L1CAM: variants seen among roughly 807,000 people sequenced by gnomAD.
L1CAM encodes L1 cell adhesion molecule, also known as neural cell adhesion molecule L1.
Under a neutral mutation model 93.0 loss-of-function variants are expected in L1CAM, and 8 were observed. The ratio of observed to expected loss-of-function variants is 0.09; its 90% confidence interval spans 0.05 to 0.16. L1CAM has a LOEUF of 0.16. Ranked by LOEUF, L1CAM falls within the 10% of genes least tolerant of loss-of-function variation. L1CAM has a pLI of 1.00. For missense variants in L1CAM, 777 were observed against 1,073.4 expected (o/e 0.72, Z 3.86); for synonymous variants, 453 against 453.0 (o/e 1.00, Z 0.00).
Position 153,868,413 on chromosome X carries a change from T to G in L1CAM, c.1592A>C (p.Lys531Thr), listed in dbSNP as rs1557091826. ...GCACGTGAAGGTCACCCTGGAACCT[T>G]TCTTCTCGATTGTGCTGCGGGGCCC... The part of the protein sequence containing the change: ...TQGPRSTIEK[K>T]GSRVTFTCQA... The change falls in exon 14 of 29, where the codon AAA becomes ACA. Residue 531 changes from lysine (K) to threonine (T), a missense_variant. Physicochemically the swap from Lys to Thr is moderately conservative, Grantham distance 78 (BLOSUM62 -1). Coordinates refer to ENST00000370060, the MANE Select transcript of L1CAM (RefSeq NM_001278116.2). The G allele has an allele frequency of 8.3e-7, 1 of 1,211,391 alleles. No homozygotes were observed. Among genetic ancestry groups the G allele is most frequent in the South Asian group, 1.8e-5 (1 of 56,975 alleles).
At position 153,872,647 on chromosome X, in the gene L1CAM, A is replaced by G; in HGVS notation, c.142T>C (p.Phe48Leu). The G allele has an allele frequency of 8.3e-7, 1 of 1,210,806 alleles. No individual in the cohort carries two copies. The highest frequency in any genetic ancestry group is 3.0e-5 in the East Asian group (1 of 33,791). The change falls in exon 4 of 29, where the codon TTC (phenylalanine) becomes CTC (leucine). Residue 48 changes from phenylalanine to leucine, a missense_variant. Transcript: ENST00000370060. ...TTGAGGCTGATGTCATCTGTGGGGA[A>G]GACAACCAGGCGCCGTGGAGACTGT... Reference protein sequence around the residue: ...TEQSPRRLVVFPTDDISLKCE... With the variant: ...TEQSPRRLVVLPTDDISLKCE...
In L1CAM at chrX:153,864,977, C is replaced by T; in HGVS notation, c.2890G>A (p.Gly964Arg). The change falls in exon 23 of 29, where the codon GGG becomes AGG. Residue 964 changes from glycine to arginine, a missense_variant. This residue lies in a region of L1CAM where 71 missense variants were observed against 77.4 expected (regional missense o/e 0.92). Transcript: ENST00000370060. ...TCCCGAAGGTTGAAGGACAGTTGCCCCTTGCCCCCCTCATCCACTGTGGGG... is the reference window on the plus strand; with the variant it reads ...TCCCGAAGGTTGAAGGACAGTTGCCTCTTGCCCCCCTCATCCACTGTGGGG... ...SYHPLDEGGK[G>R]QLSFNLRDPE... 8.2e-7 allele frequency: 1 copy of T among 1,212,354 alleles called. No individual in the cohort carries two copies.
At chrX:153,874,919 C>T (rs1557094123) in intron 2 of L1CAM, among the ~76,000 whole-genome samples, 1 of 112,310 alleles carries the variant, frequency 8.9e-6, no homozygotes, top group African/African-American at 3.2e-5. Context: ...TGACCCAATG[C>T]AATCAAATGT....
Position 153,862,678 on chromosome X carries a change from G to A in L1CAM, c.3759C>T (p.Ala1253=), listed in dbSNP as rs781926697. The change falls in exon 29 of 29, where the codon GCC becomes GCT. Residue 1253 remains alanine (A), a synonymous_variant. Coordinates refer to ENST00000370060, the MANE Select transcript of L1CAM (RefSeq NM_001278116.2). ...SSGATSPINP[A]VALE is the part of the protein sequence containing the mutation. ...CTGGACTCCACTATTCTAGGGCCAC[G>A]GCAGGGTTGATGGGGGAAGTGGCCC... 1.8e-5 allele frequency: 22 copies of A among 1,208,277 alleles called. No individual in the cohort carries two copies. Among genetic ancestry groups the A allele is most frequent in the South Asian group, 1.2e-4 (7 of 56,785 alleles).
chrX:153,882,340 C>A (rs1360619683), intron 1 of L1CAM, among the ~76,000 whole-genome samples: 1 of 110,950 alleles, frequency 9.0e-6, no homozygotes. Context: ...GGCTCTGTCC[C>A]CATCCAGCCA....
At chrX:153,867,320 C>T (rs201422115) in intron 17 of L1CAM, 36 bp downstream of exon 17, 2 of 1,150,190 alleles carry the variant, frequency 1.7e-6, no homozygotes, top group Non-Finnish European at 2.4e-6. Flanking sequence ...GGAGCCCCTT[C>T]CAGGTGGCAT....
chrX:153,880,794 C>T (rs1184009414), intron 1 of L1CAM: 1 of 272,751 alleles, frequency 3.7e-6, no homozygotes, highest in Non-Finnish European at 7.2e-6. Context: ...AGGGAGCCCC[C>T]ACAGGTACCT....
chrX:153,877,483 C>T (rs1165344880), intron 1 of L1CAM, among the ~76,000 whole-genome samples: 1 of 106,606 alleles, frequency 9.4e-6, no homozygotes, highest in African/African-American at 3.4e-5. Context: ...AAAAGTTAGC[C>T]TGGCGTGGTG....
rs2064759171 is a variant in L1CAM, at chrX:153,870,493, C to T, written c.701G>A (p.Ser234Asn). The T allele has an allele frequency of 8.3e-7, 1 of 1,207,519 alleles. No homozygotes were observed. Among genetic ancestry groups the T allele is most frequent in the Non-Finnish European group, 1.1e-6 (1 of 891,435 alleles). ...CAGGCGCGGCTTCCTGTCAATCATGCTGTTGGCTGCCAGGAGAAAGTGGGT... is the reference window on the plus strand; with the variant it reads ...CAGGCGCGGCTTCCTGTCAATCATGTTGTTGGCTGCCAGGAGAAAGTGGGT... ...PIDLRVKATN[S>N]MIDRKPRLLF... Residue 234 changes from serine to asparagine, a missense_variant, in exon 8 of 29, where the codon AGC becomes AAC. Coordinates refer to ENST00000370060, the MANE Select transcript of L1CAM (RefSeq NM_001278116.2).
chrX:153,868,063 T>C lies in L1CAM; in HGVS notation c.1763A>G (p.Asn588Ser), dbSNP rs1557091643. The C allele has an allele frequency of 8.3e-7, 1 of 1,210,809 alleles. No individual in the cohort carries two copies. Residue 588 changes from asparagine (N) to serine (S), a missense_variant, in exon 15 of 29, where the codon AAC becomes AGC. Transcript: ENST00000370060. ...IHSLDYSDQG[N>S]YSCVASTELD... ...TTCGGTACTGGCCACGCAGCTGTAG[T>C]TGCCCTGGTCGCTGTAGTCCAGGCT...
intron 1 of L1CAM, chrX:153,885,711 C>T: frequency 4.9e-6 from 2 of 404,469 alleles, no homozygotes; most frequent in Non-Finnish European, 7.1e-6. Flanking sequence ...GGCTTCCTTT[C>T]TCAGACACGC....
intron 1 of L1CAM, chrX:153,880,782 C>G: frequency 3.6e-6 from 1 of 278,586 alleles, no homozygotes; most frequent in Non-Finnish European, 7.2e-6. Context: ...GGGGGCTGCT[C>G]CAGGGAGCCC....
Position 153,862,623 on chromosome X carries a change from C to T in L1CAM, c.*40G>A, listed in dbSNP as rs782696895. 2 of 1,094,465 alleles carry T rather than the reference C, an allele frequency of 1.8e-6. No individual in the cohort carries two copies. The highest frequency in any genetic ancestry group is 2.5e-6 in the Non-Finnish European group (2 of 798,779). The allele number at this position is 1,094,465 out of a possible 1,213,427, so 90.2% of individuals were successfully genotyped here. A position where few individuals can be genotyped will look rare whatever the true frequency, so the allele number is the denominator to read the frequency against. On this transcript the variant is annotated 3_prime_UTR_variant, in exon 29 of 29. Coordinates refer to ENST00000370060, the MANE Select transcript of L1CAM (RefSeq NM_001278116.2). Reference sequence around the variant, plus strand: ...CTGCTGGAGAGGGAGGGGCCTGGATCCCAAGGCCAGGGGCACAGCATCTCC... The same window carrying T: ...CTGCTGGAGAGGGAGGGGCCTGGATTCCAAGGCCAGGGGCACAGCATCTCC...
rs1557090967 is a variant in L1CAM, at chrX:153,866,695, G to C, written c.2385C>G (p.Gly795=). ...TAGTGACCTGGGGCTCTGGTCCCTT[G>C]CCCTGGCTGTTGACGGCCTGGACTT... The part of the protein sequence containing the change: ...EIKVQAVNSQ[G]KGPEPQVTIG... Residue 795 remains glycine, a synonymous_variant, in exon 19 of 29, where the codon GGC becomes GGG. Transcript: ENST00000370060. The C allele has an allele frequency of 1.7e-6, 2 of 1,209,764 alleles. No homozygotes were observed. The highest frequency in any genetic ancestry group is 1.7e-5 in the African/African-American group (1 of 57,159).
Position 153,872,658 on chromosome X carries a change from C to A in L1CAM, c.131G>T (p.Arg44Leu). The change falls in exon 4 of 29, where the codon CGC (arginine) becomes CTC (leucine). Residue 44 changes from arginine (R) to leucine (L), a missense_variant. Transcript: ENST00000370060. ...GTCATCTGTGGGGAAGACAACCAGG[C>A]GCCGTGGAGACTGTTCCGTGATGAC... is the stretch of plus-strand genomic sequence containing the variant. ...PPVITEQSPR[R>L]LVVFPTDDIS... 1 of 1,210,619 alleles carries A rather than the reference C, an allele frequency of 8.3e-7. No individual in the cohort carries two copies. The highest frequency in any genetic ancestry group is 1.1e-6 in the Non-Finnish European group (1 of 894,891).
intron 1 of L1CAM, among the ~76,000 whole-genome samples, chrX:153,880,883 G>A (rs1396353200): frequency 3.6e-5 from 4 of 112,161 alleles, no homozygotes; most frequent in African/African-American, 9.7e-5. Context: ...GGTACCCTTA[G>A]GAGAGAGTGA....
chrX:153,865,225 AC>A lies in L1CAM; in HGVS notation c.2750-16del. 1 of 1,209,407 alleles carries A rather than the reference AC, an allele frequency of 8.3e-7. No homozygotes were observed. Among genetic ancestry groups the A allele is most frequent in the South Asian group, 1.8e-5 (1 of 56,864 alleles). On this transcript the variant is annotated splice_polypyrimidine_tract_variant and intron_variant, in intron 21 of 28. Transcript: ENST00000370060. Reference sequence around the variant, plus strand: ...GTGGCCAGGCACTGCAGGGCACAGAACCGAGTGGCAGGTAGGTCCTCGCCCA... The same window carrying A: ...GTGGCCAGGCACTGCAGGGCACAGAACGAGTGGCAGGTAGGTCCTCGCCCA...
At chrX:153,867,692 C>T (rs955674449) in intron 16 of L1CAM, 108 bp downstream of exon 16, 4 of 963,800 alleles carry the variant, frequency 4.2e-6, no homozygotes, top group Non-Finnish European at 4.5e-6. Context: ...ACCGTGAGTC[C>T]CCCCAAACCG....
intron 1 of L1CAM, among the ~76,000 whole-genome samples, chrX:153,881,437 G>T (rs1408687269): frequency 8.9e-6 from 1 of 111,755 alleles, no homozygotes; most frequent in African/African-American, 3.3e-5. Flanking sequence ...CTGCCCCGTG[G>T]GGAGGGCTTA....
Sources: allele counts gnomAD v4.1 joint callset (sites outside exome capture counted in the v4.1 genomes callset), GRCh38; gene constraint gnomAD v4.1.1; regional missense constraint gnomAD v4.1.1; transcripts MANE v1.5; gene names NCBI Gene and HGNC (gene_info 2026-07-23, HGNC 2026-07-21).